Variants in XPO4 observed in about 807,000 individuals in gnomAD.
The protein encoded by XPO4 is exportin-4.
Under a neutral mutation model 143.0 loss-of-function variants are expected in XPO4, and 39 were observed. That is an observed-to-expected ratio of 0.27 (90% CI 0.21 to 0.36). The LOEUF is 0.36. Among genes scored for constraint, XPO4 ranks in the 10% least tolerant of loss-of-function variants. The pLI is 1.00. For synonymous variants in XPO4, 439 were observed against 474.0 expected (o/e 0.93, Z 0.96); for missense variants, 907 against 1,348.0 (o/e 0.67, Z 5.12).
chr13:20,901,219 ATTC>A (rs1205018254), intron 1 of XPO4, among the ~76,000 whole-genome samples: 2 of 152,236 alleles, frequency 1.3e-5, no homozygotes, highest in Non-Finnish European at 2.9e-5. Flanking sequence ...ACTTACTACT[ATTC>A]TTCTCACCTA....
At chr13:20,862,040 G>T (rs1267323791) in intron 3 of XPO4, among the ~76,000 whole-genome samples, 1 of 151,996 alleles carries the variant, frequency 6.6e-6, no homozygotes, top group Admixed American at 6.6e-5. Context: ...GCCTGGCTTG[G>T]CCTCCCAAAG....
intron 3 of XPO4, among the ~76,000 whole-genome samples, chr13:20,860,507 T>C (rs1472200737): frequency 1.3e-5 from 2 of 152,200 alleles, no homozygotes; most frequent in African/African-American, 4.8e-5. Flanking sequence ...ATTGATAATA[T>C]AAATTTTGAT....
chr13:20,858,027 G>A (rs2060161225), intron 3 of XPO4: 1 of 969,620 alleles, frequency 1.0e-6, no homozygotes, highest in Non-Finnish European at 1.2e-6. Context: ...CGTTTAACTT[G>A]AATCTAATCC....
chr13:20,898,901 C>G (rs1291443432), intron 1 of XPO4, among the ~76,000 whole-genome samples: 1 of 152,164 alleles, frequency 6.6e-6, no homozygotes, highest in Non-Finnish European at 1.5e-5. Context: ...CTCACCTGGG[C>G]ACAGTAGCTT....
At chr13:20,877,500 T>TGGG (rs2060364305) in intron 1 of XPO4, among the ~76,000 whole-genome samples, 1 of 152,212 alleles carries the variant, frequency 6.6e-6, no homozygotes, top group South Asian at 2.1e-4. Flanking sequence ...GTAGTTCTAC[T>TGGG]AATCATCTGG....
intron 6 of XPO4, among the ~76,000 whole-genome samples, chr13:20,827,648 G>A (rs2059800955): frequency 6.6e-6 from 1 of 151,464 alleles, no homozygotes; most frequent in Non-Finnish European, 1.5e-5. Context: ...ATATTCACTG[G>A]AAAAGCAAAA....
chr13:20,864,658 A>T (rs2060229227), intron 2 of XPO4, among the ~76,000 whole-genome samples: 1 of 152,188 alleles, frequency 6.6e-6, no homozygotes, highest in African/African-American at 2.4e-5. Context: ...TGATCACTGA[A>T]ACATTCCTAA....
intron 1 of XPO4, chr13:20,879,039 CA>C (rs2060381056): frequency 1.1e-6 from 1 of 923,326 alleles, no homozygotes; most frequent in Non-Finnish European, 1.3e-6. Flanking sequence ...AAGGAATCAT[CA>C]AAAGCTAAAA....
At position 20,782,511 on chromosome 13, in the gene XPO4, T is replaced by A. The variant is rs4617691; in HGVS notation, c.*1211A>T. On this transcript the variant is annotated 3_prime_UTR_variant, in exon 23 of 23. Transcript: ENST00000255305. ...GAAATTAAATTCACTGGCTCCCATGTCTGGATAAGAATTATTGCCCCTAAT... is the reference window on the plus strand; with the variant it reads ...GAAATTAAATTCACTGGCTCCCATGACTGGATAAGAATTATTGCCCCTAAT... 0.42 allele frequency: 63,588 copies of A among 152,494 alleles called. 14,541 individuals carry two copies. The highest frequency in any genetic ancestry group is 0.8 in the East Asian group (4,153 of 5,170). 9.4% of individuals were successfully genotyped at this position (152,494 alleles called of 1,614,324 possible). A position where few individuals can be genotyped will look rare whatever the true frequency, so the allele number is the denominator to read the frequency against.
Position 20,796,792 on chromosome 13 carries a change from G to A in XPO4, c.2588C>T (p.Ala863Val). The change falls in exon 17 of 23, where the codon GCA (alanine) becomes GTA (valine). Residue 863 changes from alanine (A) to valine (V), a missense_variant. Transcript: ENST00000255305. ...NLIIEVFVEV[A>V]HKQICYLGES... ...TCCAAGATAGCATATCTGTTTATGT[G>A]CAACTTCAACAAAAACTTCTATAAT... is the stretch of plus-strand genomic sequence containing the variant. 1 of 1,613,128 alleles carries A rather than the reference G, an allele frequency of 6.2e-7. No individual in the cohort carries two copies. The highest frequency in any genetic ancestry group is 8.5e-7 in the Non-Finnish European group (1 of 1,179,554).
intron 1 of XPO4, among the ~76,000 whole-genome samples, chr13:20,896,090 A>C (rs9552293): frequency 0.99 from 151,260 of 152,284 alleles, 75,140 homozygotes; most frequent in East Asian, 1. Context: ...ATGTGAAATA[A>C]CATTTTATTC....
intron 6 of XPO4, among the ~76,000 whole-genome samples, chr13:20,827,994 T>C (rs961548963): frequency 6.6e-6 from 1 of 152,108 alleles, no homozygotes; most frequent in Non-Finnish European, 1.5e-5. Context: ...TCTCCACATT[T>C]TGGGAGGCCA....
At chr13:20,805,650 G>C (rs944303579) in intron 13 of XPO4, among the ~76,000 whole-genome samples, 1 of 152,080 alleles carries the variant, frequency 6.6e-6, no homozygotes, top group African/African-American at 2.4e-5. Context: ...ACTCACTCTA[G>C]CTTTTTACCT....
At chr13:20,847,143 G>C (rs1434940629) in intron 4 of XPO4, among the ~76,000 whole-genome samples, 1 of 152,064 alleles carries the variant, frequency 6.6e-6, no homozygotes, top group African/African-American at 2.4e-5. Context: ...TGGCTCAAAG[G>C]TGCCAAATGA....
rs1038189232 is a variant in XPO4 at position 20,799,112 on chromosome 13, A to T, written c.2322+53T>A. On this transcript the variant is annotated intron_variant, in intron 16 of 22. Coordinates refer to ENST00000255305, the MANE Select transcript of XPO4 (RefSeq NM_022459.5). ...GACTCTTACGGCAACGCATAGATAA[A>T]GGAACTACAGAGTTACACAAAAGGG... 46 of 1,476,810 alleles carry T rather than the reference A, an allele frequency of 3.1e-5. No homozygotes were observed. The South Asian group carries it at 6.5e-4, about 21-fold the overall frequency. The allele number at this position is 1,476,810 out of a possible 1,614,324, so 91.5% of individuals were successfully genotyped here.
At chr13:20,825,491 T>C (rs1422031411) in intron 7 of XPO4, among the ~76,000 whole-genome samples, 1 of 152,198 alleles carries the variant, frequency 6.6e-6, no homozygotes. Context: ...ACAAAAATTG[T>C]TCAAATAAAG....
At chr13:20,817,347 C>T (rs1056611457) in intron 9 of XPO4, among the ~76,000 whole-genome samples, 1 of 152,236 alleles carries the variant, frequency 6.6e-6, no homozygotes, top group Non-Finnish European at 1.5e-5. Flanking sequence ...TCTAAATACA[C>T]TCACTCACTT....
Position 20,849,173 on chromosome 13 carries a change from A to G in XPO4, c.457-5287T>C, listed in dbSNP as rs1047256702. On this transcript the variant is annotated intron_variant, in intron 4 of 22. Transcript: ENST00000255305. The stretch of plus-strand genomic sequence containing the variant: ...CTTATAATAGCCTGGCTCTTACCCC[A>G]GGAGCTTTATTACCAAGAATAAACT... 8.1e-6 allele frequency: 8 copies of G among 985,316 alleles called. No homozygotes were observed. The African/African-American group carries it at 1.2e-4, about 15-fold the overall frequency. The allele number at this position is 985,316 out of a possible 1,614,324, so 61.0% of individuals were successfully genotyped here.
chr13:20,783,783 G>T lies in XPO4; in HGVS notation c.3395C>A (p.Ala1132Asp), dbSNP rs1375555995. 3.1e-6 allele frequency: 5 copies of T among 1,614,076 alleles called. No homozygotes were observed. The highest frequency in any genetic ancestry group is 2.2e-5 in the East Asian group (1 of 44,900). Residue 1132 changes from alanine (A) to aspartate (D), a missense_variant, in exon 23 of 23, where the codon GCC becomes GAC. Coordinates refer to ENST00000255305, the MANE Select transcript of XPO4 (RefSeq NM_022459.5). Reference protein sequence around the residue: ...PPTLDRKQKMAFLKSLEEFMA... With the variant: ...PPTLDRKQKMDFLKSLEEFMA... ...AAATTCTTCTAAACTCTTTAAGAAG[G>T]CCATCTTCTGCTTCCGATCCAGCGT...
Sources: gnomAD v4.1 joint callset for allele counts (sites outside exome capture counted in the v4.1 genomes callset) on GRCh38, gnomAD v4.1.1 for gene constraint, MANE v1.5 for transcripts, NCBI Gene and HGNC (gene_info 2026-07-23, HGNC 2026-07-21) for gene names.